Variants in RYR2 observed in about 807,000 individuals in gnomAD.
RYR2 encodes the protein cardiac muscle ryanodine receptor-calcium release channel.
A neutral mutation model predicts 601.1 loss-of-function variants in RYR2; 227 were observed. The ratio of observed to expected loss-of-function variants is 0.38; its 90% CI spans 0.34 to 0.42. The LOEUF is 0.42. Ranked by LOEUF, RYR2 falls within the 10% of genes least tolerant of loss-of-function variation. The probability of loss-of-function intolerance (pLI) is 1.00; values close to 1 mark genes in which losing one functional copy is unlikely to be tolerated. For synonymous variants in RYR2, 2,223 were observed against 2,175.1 expected (o/e 1.02, Z -0.61); for missense variants, 4,646 against 6,156.5 (o/e 0.75, Z 8.21).
At chr1:237,662,488 G>GT (rs5781980) in intron 56 of RYR2, among the ~76,000 whole-genome samples, 20 of 149,322 alleles carry the variant, frequency 1.3e-4, no homozygotes, top group South Asian at 6.4e-4. Context: ...AGAAAGGGAT[G>GT]TTTTTTTTTT....
chr1:237,448,841 C>T (rs775847691), intron 14 of RYR2, among the ~76,000 whole-genome samples: 1 of 151,904 alleles, frequency 6.6e-6, no homozygotes, highest in Non-Finnish European at 1.5e-5. Context: ...ATCCTATGAC[C>T]TTTAACCTCT....
chr1:237,121,635 G>A (rs1451985331), intron 1 of RYR2, among the ~76,000 whole-genome samples: 1 of 152,130 alleles, frequency 6.6e-6, no homozygotes, highest in African/African-American at 2.4e-5. Flanking sequence ...TGTAATAGAG[G>A]CAGAGATCCG....
At chr1:237,350,297 T>C (rs1698652247) in intron 3 of RYR2, among the ~76,000 whole-genome samples, 1 of 151,718 alleles carries the variant, frequency 6.6e-6, no homozygotes, top group Non-Finnish European at 1.5e-5. Context: ...AGAAAAGGGC[T>C]GGGCGCTGTG....
intron 24 of RYR2, among the ~76,000 whole-genome samples, chr1:237,523,959 A>C (rs903321095): frequency 2.0e-5 from 3 of 152,192 alleles, no homozygotes; most frequent in African/African-American, 7.2e-5. Flanking sequence ...GTATTACTGC[A>C]GGCAATGTAA....
chr1:237,473,477 C>CTTCTTCTTTCTTTCTT (rs1553464755), intron 17 of RYR2, among the ~76,000 whole-genome samples: 1 of 145,562 alleles, frequency 6.9e-6, no homozygotes, highest in Non-Finnish European at 1.5e-5. Flanking sequence ...ATCTATCTAT[C>CTTCTTCTTTCTTTCTT]TGGCATATAT....
intron 1 of RYR2, among the ~76,000 whole-genome samples, chr1:237,139,828 C>G (rs1235560718): frequency 1.3e-5 from 2 of 152,222 alleles, no homozygotes; most frequent in Non-Finnish European, 2.9e-5. Context: ...ATTTGACAGA[C>G]TCTATGGTAC....
At chr1:237,230,689 C>A (rs1380672180) in intron 1 of RYR2, among the ~76,000 whole-genome samples, 1 of 152,074 alleles carries the variant, frequency 6.6e-6, no homozygotes, top group African/African-American at 2.4e-5. Flanking sequence ...GAGGCCTTGA[C>A]GTATGTATCA....
chr1:237,187,023 G>A (rs1679418977), intron 1 of RYR2, among the ~76,000 whole-genome samples: 2 of 152,150 alleles, frequency 1.3e-5, no homozygotes, highest in Admixed American at 1.3e-4. Context: ...CTTGTGGAAG[G>A]GAGGTCAGCT....
chr1:237,416,769 G>GAT (rs1252558372), intron 10 of RYR2, among the ~76,000 whole-genome samples: 91 of 151,922 alleles, frequency 6.0e-4, no homozygotes, highest in African/African-American at 2.2e-3. Context: ...CACACAGAGA[G>GAT]AGAGAGAGAG....
At chr1:237,470,665 A>C (rs1180877244) in intron 17 of RYR2, among the ~76,000 whole-genome samples, 1 of 152,210 alleles carries the variant, frequency 6.6e-6, no homozygotes, top group East Asian at 1.9e-4. Context: ...AACTTCTAGC[A>C]TAAAGAAGTG....
chr1:237,561,766 C>T (rs1033704162), intron 27 of RYR2, among the ~76,000 whole-genome samples: 3 of 152,152 alleles, frequency 2.0e-5, no homozygotes, highest in Non-Finnish European at 4.4e-5. Context: ...GATGTGTGAT[C>T]ACAGTTTACA....
intron 41 of RYR2, 25 bp from the exon 42 acceptor site, chr1:237,631,402 C>A: frequency 6.9e-7 from 1 of 1,440,624 alleles, no homozygotes; most frequent in Non-Finnish European, 9.7e-7. Context: ...TGAGCTTTAC[C>A]CCATACGTCC....
chr1:237,545,756 A>T lies in RYR2; in HGVS notation c.2907-2675A>T, dbSNP rs571597253. ...GTGGGAGCTTTTTCTTGAAAAATAA[A>T]AAAAAAAAAAAATACTTTCCAGGCC... is the stretch of plus-strand genomic sequence containing the variant. On this transcript the variant is annotated intron_variant, in intron 25 of 104. Transcript: ENST00000366574. 4.6e-5 allele frequency among the ~76,000 whole-genome samples: 7 copies of T among 151,008 alleles called. No individual in the cohort carries two copies. In the East Asian group the frequency reaches 7.8e-4, roughly 17 times the overall value.
intron 1 of RYR2, among the ~76,000 whole-genome samples, chr1:237,079,666 G>A (rs1665378829): frequency 8.5e-6 from 1 of 117,484 alleles, no homozygotes; most frequent in Non-Finnish European, 1.6e-5. Context: ...ATGCTCATGG[G>A]TAGGAAGAAT....
At chr1:237,437,621 C>G (rs1707533462) in intron 12 of RYR2, among the ~76,000 whole-genome samples, 1 of 152,142 alleles carries the variant, frequency 6.6e-6, no homozygotes, top group African/African-American at 2.4e-5. Context: ...AATTGAGGAA[C>G]AGTTTTAACA....
intron 1 of RYR2, among the ~76,000 whole-genome samples, chr1:237,053,286 C>G (rs542087913): frequency 1.3e-5 from 2 of 152,170 alleles, no homozygotes; most frequent in South Asian, 4.1e-4. Context: ...TTCGACGAAA[C>G]GTCAGGAGAA....
intron 2 of RYR2, among the ~76,000 whole-genome samples, chr1:237,293,361 C>T (rs188883081): frequency 5.9e-5 from 9 of 152,260 alleles, no homozygotes; most frequent in Non-Finnish European, 1.2e-4. Context: ...CGCGTGCCAC[C>T]ACACCCGGCT....
chr1:237,094,227 A>G (rs1456086513), intron 1 of RYR2, among the ~76,000 whole-genome samples: 2 of 152,198 alleles, frequency 1.3e-5, no homozygotes, highest in Non-Finnish European at 2.9e-5. Flanking sequence ...AGCTCGCTAT[A>G]TGTAGGAAGC....
At position 237,674,142 on chromosome 1, in the gene RYR2, C is replaced by A; in HGVS notation, c.8637C>A (p.Ala2879=). 1 of 1,612,022 alleles carries A rather than the reference C, an allele frequency of 6.2e-7. No individual in the cohort carries two copies. Among genetic ancestry groups the A allele is most frequent in the Non-Finnish European group, 8.5e-7 (1 of 1,178,290 alleles). The change falls in exon 59 of 105, where the codon GCC becomes GCA. Residue 2879 remains alanine (A), a synonymous_variant. Transcript: ENST00000366574. ...TGGTGCCCTATGATACACTGACAGC[C>A]AAAGAGAAAGCCAAGGATAGAGAAA... The part of the protein sequence containing the change: ...PLLVPYDTLT[A]KEKAKDREKA...
Sources: allele counts gnomAD v4.1 joint callset (sites outside exome capture counted in the v4.1 genomes callset), GRCh38; gene constraint gnomAD v4.1.1; transcripts MANE v1.5; gene names NCBI Gene and HGNC (gene_info 2026-07-23, HGNC 2026-07-21).